The following XPO7 variants were observed in gnomAD, a reference collection of about 807,000 sequenced individuals.
XPO7 encodes the protein exportin 7.
In XPO7, 21 loss-of-function variants were observed where a neutral mutation model predicts 144.3. The observed-to-expected ratio is 0.15, with a 90% confidence interval of 0.10 to 0.21. The LOEUF (loss-of-function observed/expected upper bound fraction) is 0.21, where lower values mean the gene tolerates loss of function less well. Ranked by LOEUF, XPO7 falls within the 10% of genes least tolerant of loss-of-function variation. XPO7 has a pLI of 1.00. For synonymous variants in XPO7, 580 were observed against 499.6 expected (o/e 1.16, Z -2.15); for missense variants, 808 against 1,325.8 (o/e 0.61, Z 6.06).
At chr8:21,946,368 T>C (rs189346308) in intron 1 of XPO7, among the ~76,000 whole-genome samples, 7 of 152,074 alleles carry the variant, frequency 4.6e-5, no homozygotes, top group African/African-American at 1.7e-4. Context: ...AATATAAGTT[T>C]AAAATATAAC....
At chr8:21,990,741 C>G (rs562217526) in intron 17 of XPO7, 70 bp from the exon 18 acceptor site, 10 of 1,445,228 alleles carry the variant, frequency 6.9e-6, no homozygotes, top group Non-Finnish European at 9.7e-6. Context: ...CAGTAATTCT[C>G]TGATTACTGG....
At chr8:21,927,279 C>T (rs1281440995) in intron 1 of XPO7, among the ~76,000 whole-genome samples, 1 of 151,978 alleles carries the variant, frequency 6.6e-6, no homozygotes, top group African/African-American at 2.4e-5. Flanking sequence ...AGGACATTAT[C>T]CCACAGGTGT....
chr8:21,989,821 CTTTTTT>C (rs1170364778), intron 16 of XPO7, among the ~76,000 whole-genome samples: 6 of 59,668 alleles, frequency 1.0e-4, no homozygotes, highest in Non-Finnish European at 1.8e-4. Flanking sequence ...TAGGTGTTTC[CTTTTTT>C]TTTTTTTTTT....
intron 4 of XPO7, among the ~76,000 whole-genome samples, chr8:21,971,506 T>C (rs1218369672): frequency 2.6e-5 from 4 of 152,250 alleles, no homozygotes; most frequent in African/African-American, 9.6e-5. Context: ...TTAACCACAC[T>C]TCCTCAGATT....
chr8:21,920,197 C>G (rs928311786), intron 1 of XPO7, among the ~76,000 whole-genome samples: 1 of 151,310 alleles, frequency 6.6e-6, no homozygotes, highest in Admixed American at 6.6e-5. Context: ...CGCCCGCCAT[C>G]CCTCAGCAGA....
rs544868652 is a variant in XPO7, at chr8:21,930,902, C to G, written c.18+11114C>G. The stretch of plus-strand genomic sequence containing the variant: ...AAGCTAGAGTGCAGTGTTGCGATCT[C>G]CGATCTCAGCTCACTGCAACCTCTG... On this transcript the variant is annotated intron_variant, in intron 1 of 27. Transcript: ENST00000252512. Among the ~76,000 whole-genome samples the G allele has an allele frequency of 7.9e-5, 12 of 152,288 alleles. No individual in the cohort carries two copies. The East Asian group carries it at 2.1e-3, about 27-fold the overall frequency.
At chr8:21,974,836 A>T in intron 6 of XPO7, 62 bp downstream of exon 6, 1 of 1,334,514 alleles carries the variant, frequency 7.5e-7, no homozygotes, top group Non-Finnish European at 1.0e-6. Flanking sequence ...ATGGATGGGA[A>T]CTTGTTAAAT....
chr8:21,993,666 G>GA (rs1812840245), intron 19 of XPO7, among the ~76,000 whole-genome samples: 1 of 152,136 alleles, frequency 6.6e-6, no homozygotes, highest in Non-Finnish European at 1.5e-5. Flanking sequence ...ATGACTGGGG[G>GA]AAGTTTTTTG....
chr8:21,969,473 C>G lies in XPO7; in HGVS notation c.166-10C>G. ...ACAATTTTAAGTCCTTTTTCCCTCT[C>G]TTTTCACAGTCCTCTTACTCCCAGT... On this transcript the variant is annotated splice_polypyrimidine_tract_variant and intron_variant, in intron 2 of 27. Coordinates refer to ENST00000252512, the MANE Select transcript of XPO7 (RefSeq NM_015024.5). 5 of 1,611,258 alleles carry G rather than the reference C, an allele frequency of 3.1e-6. No homozygotes were observed. Among genetic ancestry groups the G allele is most frequent in the Non-Finnish European group, 3.4e-6 (4 of 1,178,128 alleles).
In XPO7 at chr8:21,971,791, C is replaced by T. The variant is rs118152747; in HGVS notation, c.427-85C>T. ...CAGTTTTACTAATGACACAGGAACC[C>T]GTCATTCGAAAGTATGAGTGCATTC... On this transcript the variant is annotated intron_variant, in intron 4 of 27. Transcript: ENST00000252512. 4.0e-3 allele frequency: 4,181 copies of T among 1,056,056 alleles called. 10 individuals are homozygous for T. Among genetic ancestry groups the T allele is most frequent in the Non-Finnish European group, 5.2e-3 (3,749 of 722,520 alleles). The allele number at this position is 1,056,056 out of a possible 1,614,324, so 65.4% of individuals were successfully genotyped here.
intron 16 of XPO7, among the ~76,000 whole-genome samples, chr8:21,989,725 G>A (rs1402128174): frequency 6.7e-6 from 1 of 149,404 alleles, no homozygotes; most frequent in Non-Finnish European, 1.5e-5. Context: ...TGGAACCCCT[G>A]CTGAGAAAAG....
At chr8:22,003,429 G>A (rs1052854075) in intron 26 of XPO7, 112 bp downstream of exon 26, 1 of 761,634 alleles carries the variant, frequency 1.3e-6, no homozygotes, top group Non-Finnish European at 2.1e-6. Flanking sequence ...GGTGAAACAG[G>A]GAAAATGGGT....
At position 22,003,923 on chromosome 8, in the gene XPO7, C is replaced by T; in HGVS notation, c.3063C>T (p.Asn1021=). 6.2e-7 allele frequency: 1 copy of T among 1,613,880 alleles called. No individual in the cohort carries two copies. Among genetic ancestry groups the T allele is most frequent in the Non-Finnish European group, 8.5e-7 (1 of 1,179,846 alleles). Residue 1021 remains asparagine (N), a synonymous_variant, in exon 27 of 28, where the codon AAC becomes AAT. Transcript: ENST00000252512. ...CACAGTATTTTTCTGACCTAAGAAA[C>T]AGTATTGTGAACAGCCAGCCACCGG... ...LNEKYFSDLR[N]SIVNSQPPEK... is the part of the protein sequence containing the mutation.
intron 1 of XPO7, among the ~76,000 whole-genome samples, chr8:21,965,557 G>A (rs1050750308): frequency 6.6e-6 from 1 of 152,146 alleles, no homozygotes; most frequent in Non-Finnish European, 1.5e-5. Context: ...GGTTTGTTTC[G>A]TTTTAAGGGC....
chr8:21,924,430 G>C (rs1310827695), intron 1 of XPO7, among the ~76,000 whole-genome samples: 2 of 151,544 alleles, frequency 1.3e-5, no homozygotes, highest in Non-Finnish European at 2.9e-5. Flanking sequence ...CATCTCAACA[G>C]CTACCTGTAG....
intron 1 of XPO7, among the ~76,000 whole-genome samples, chr8:21,951,799 A>G (rs1326170803): frequency 6.6e-6 from 1 of 151,180 alleles, no homozygotes; most frequent in East Asian, 2.0e-4. Flanking sequence ...AAAATTCTTT[A>G]TGAAGAGTAT....
intron 7 of XPO7, 46 bp from the exon 8 acceptor site, chr8:21,977,724 T>A: frequency 3.2e-6 from 5 of 1,572,944 alleles, no homozygotes; most frequent in Non-Finnish European, 4.4e-6. Context: ...CCAGCGGCAA[T>A]GTTCATACTT....
intron 1 of XPO7, among the ~76,000 whole-genome samples, chr8:21,929,836 G>C (rs1810587282): frequency 6.6e-6 from 1 of 152,104 alleles, no homozygotes; most frequent in Non-Finnish European, 1.5e-5. Context: ...TGACTCTAAA[G>C]AGTGAAGTGG....
chr8:21,983,293 TTC>T (rs1291645500), intron 11 of XPO7, among the ~76,000 whole-genome samples: 1 of 152,220 alleles, frequency 6.6e-6, no homozygotes, highest in Admixed American at 6.5e-5. Flanking sequence ...CATACATGGT[TTC>T]TGTCTACATT....
Sources: gnomAD v4.1 joint callset for allele counts (sites outside exome capture counted in the v4.1 genomes callset) on GRCh38, gnomAD v4.1.1 for gene constraint, MANE v1.5 for transcripts, NCBI Gene and HGNC (gene_info 2026-07-23, HGNC 2026-07-21) for gene names.